FSTL5: variants seen among roughly 807,000 people sequenced by gnomAD.
The protein encoded by FSTL5 is follistatin like 5.
FSTL5 carries 62 observed loss-of-function variants against 89.1 expected under a neutral mutation model. The ratio of observed to expected loss-of-function variants is 0.70; its 90% CI spans 0.57 to 0.86. The LOEUF (loss-of-function observed/expected upper bound fraction) is 0.86. FSTL5 is among the 40% of genes least tolerant of loss of function. FSTL5 has a pLI of 0.00. For missense variants in FSTL5, 1,057 were observed against 1,001.6 expected (o/e 1.06, Z -0.75); for synonymous variants, 383 against 346.2 (o/e 1.11, Z -1.18).
chr4:161,690,008 A>T (rs765266066), intron 6 of FSTL5, among the ~76,000 whole-genome samples: 1 of 152,038 alleles, frequency 6.6e-6, no homozygotes, highest in Non-Finnish European at 1.5e-5. Flanking sequence ...ATAATGTTCC[A>T]CTCTGCGTAT....
At position 162,143,785 on chromosome 4, in the gene FSTL5, TACACAC is replaced by T. The variant is rs70946245; in HGVS notation, c.-17+19824_-17+19829del. ...AGGTTACATTGTATCTGACTTTAAA[TACACAC>T]ACACACACACACACACACACACACA... On this transcript the variant is annotated intron_variant, in intron 1 of 15. Coordinates refer to ENST00000306100, the MANE Select transcript of FSTL5 (RefSeq NM_020116.5). Among the ~76,000 whole-genome samples the T allele has an allele frequency of 1.9e-3, 266 of 138,660 alleles. 1 individual carries two copies. The highest frequency in any genetic ancestry group is 0.019 in the East Asian group (89 of 4,644). The allele number at this position is 138,660 out of a possible 152,430, so 91.0% of individuals were successfully genotyped here.
chr4:161,400,441 AC>A (rs1553982354), intron 15 of FSTL5, among the ~76,000 whole-genome samples: 2 of 152,070 alleles, frequency 1.3e-5, no homozygotes. Flanking sequence ...TGCAGACTGT[AC>A]TTGATGCTTC....
chr4:161,730,469 T>C (rs1449040002), intron 6 of FSTL5, among the ~76,000 whole-genome samples: 1 of 152,038 alleles, frequency 6.6e-6, no homozygotes, highest in Admixed American at 6.6e-5. Context: ...TTAAAATTAT[T>C]TTTAATTTTA....
At chr4:161,911,583 AAATT>A (rs1733693702) in intron 4 of FSTL5, among the ~76,000 whole-genome samples, 1 of 152,188 alleles carries the variant, frequency 6.6e-6, no homozygotes, top group Non-Finnish European at 1.5e-5. Flanking sequence ...ACAAGTTCTT[AAATT>A]GACTATCACA....
chr4:162,050,686 AAGAG>A (rs1174138829), intron 2 of FSTL5, among the ~76,000 whole-genome samples: 1 of 151,266 alleles, frequency 6.6e-6, no homozygotes, highest in African/African-American at 2.4e-5. Context: ...AAAAACAAAA[AAGAG>A]AGACAGAGAG....
chr4:161,840,130 T>C (rs1240442310), intron 4 of FSTL5, among the ~76,000 whole-genome samples: 1 of 152,150 alleles, frequency 6.6e-6, no homozygotes, highest in Non-Finnish European at 1.5e-5. Flanking sequence ...AGAAGCCCTG[T>C]TAGGGAATGA....
intron 4 of FSTL5, among the ~76,000 whole-genome samples, chr4:161,805,781 C>T (rs766968364): frequency 7.2e-5 from 11 of 152,072 alleles, no homozygotes; most frequent in East Asian, 3.9e-4. Flanking sequence ...GCTTTGGAGA[C>T]GATTCCTACC....
intron 3 of FSTL5, among the ~76,000 whole-genome samples, chr4:162,001,436 T>G (rs1736459955): frequency 6.6e-6 from 1 of 152,186 alleles, no homozygotes; most frequent in African/African-American, 2.4e-5. Context: ...GAATAACAAC[T>G]TAATCACTTT....
intron 5 of FSTL5, among the ~76,000 whole-genome samples, chr4:161,770,861 C>A (rs1338114629): frequency 1.3e-5 from 2 of 151,576 alleles, no homozygotes; most frequent in Non-Finnish European, 2.9e-5. Context: ...GGATACAGCC[C>A]AATATTACAG....
intron 7 of FSTL5, among the ~76,000 whole-genome samples, chr4:161,646,550 G>A (rs775226385): frequency 6.6e-6 from 1 of 152,074 alleles, no homozygotes; most frequent in African/African-American, 2.4e-5. Flanking sequence ...ATTGCATTAT[G>A]TTTTGATATA....
chr4:161,548,539 T>G (rs190229067), intron 8 of FSTL5, among the ~76,000 whole-genome samples: 1 of 151,968 alleles, frequency 6.6e-6, no homozygotes, highest in Admixed American at 6.6e-5. Flanking sequence ...CATGCTGAAC[T>G]TTTTATATTT....
At chr4:161,709,725 G>T (rs1415773184) in intron 6 of FSTL5, among the ~76,000 whole-genome samples, 3 of 152,040 alleles carry the variant, frequency 2.0e-5, no homozygotes, top group African/African-American at 4.8e-5. Context: ...GAGCCCAGGA[G>T]GTTGAGGCTT....
chr4:162,148,375 T>C (rs1256085077), intron 1 of FSTL5, among the ~76,000 whole-genome samples: 3 of 152,228 alleles, frequency 2.0e-5, no homozygotes, highest in Admixed American at 1.3e-4. Context: ...TATTGTGTCA[T>C]CCTAAATTCC....
At chr4:161,977,639 A>AAAAAAAAATAATAAT (rs1553988132) in intron 3 of FSTL5, among the ~76,000 whole-genome samples, 2 of 101,244 alleles carry the variant, frequency 2.0e-5, no homozygotes, top group African/African-American at 8.2e-5. Flanking sequence ...AAAAAAAAAA[A>AAAAAAAAATAATAAT]AATAATAATA....
chr4:161,609,016 C>T (rs775346958), intron 7 of FSTL5, among the ~76,000 whole-genome samples: 1 of 151,874 alleles, frequency 6.6e-6, no homozygotes, highest in Admixed American at 6.6e-5. Flanking sequence ...TCATATTAAC[C>T]TATAATTTTA....
At chr4:161,933,285 T>A (rs552073650) in intron 3 of FSTL5, among the ~76,000 whole-genome samples, 1 of 152,196 alleles carries the variant, frequency 6.6e-6, no homozygotes, top group Admixed American at 6.6e-5. Flanking sequence ...TATTTCATGG[T>A]GTGTCACCCT....
chr4:161,414,068 A>C, intron 15 of FSTL5, among the ~76,000 whole-genome samples: 1 of 152,194 alleles, frequency 6.6e-6, no homozygotes, highest in South Asian at 2.1e-4. Flanking sequence ...TATCTAAAAT[A>C]AAACGTTGAA....
intron 15 of FSTL5, among the ~76,000 whole-genome samples, chr4:161,425,496 A>G (rs944370359): frequency 1.3e-5 from 2 of 152,210 alleles, no homozygotes; most frequent in Non-Finnish European, 2.9e-5. Context: ...TTTTAGATAC[A>G]GTAGGTTTTT....
chr4:161,442,691 T>C (rs75629238), intron 15 of FSTL5, among the ~76,000 whole-genome samples: 9,774 of 152,090 alleles, frequency 0.064, 1,040 homozygotes, highest in African/African-American at 0.22. Flanking sequence ...ATAGGAAAAA[T>C]ACTATGACGA....
Sources: allele counts gnomAD v4.1 joint callset (sites outside exome capture counted in the v4.1 genomes callset), GRCh38; gene constraint gnomAD v4.1.1; transcripts MANE v1.5; gene names NCBI Gene and HGNC (gene_info 2026-07-23, HGNC 2026-07-21).